NKAIN2: variants seen among roughly 807,000 people sequenced by gnomAD.
The protein encoded by NKAIN2 is sodium/potassium-transporting ATPase subunit beta-1-interacting protein 2.
NKAIN2 carries 14 observed loss-of-function variants against 32.6 expected under a neutral mutation model. The ratio of observed to expected loss-of-function variants is 0.43; its 90% CI spans 0.28 to 0.67. The LOEUF (loss-of-function observed/expected upper bound fraction) is 0.67. Ranked by LOEUF, NKAIN2 falls within the 30% of genes least tolerant of loss-of-function variation. NKAIN2 has a pLI of 0.17. For missense variants in NKAIN2, 198 were observed against 258.3 expected, an observed-to-expected ratio of 0.77 and a Z score of 1.60; for synonymous variants, 80 against 87.2, an observed-to-expected ratio of 0.92 and a Z score of 0.46.
chr6:123,883,761 G>A (rs920118527), intron 1 of NKAIN2, among the ~76,000 whole-genome samples: 1 of 149,746 alleles, frequency 6.7e-6, no homozygotes, highest in African/African-American at 2.5e-5. Flanking sequence ...AAAAATTGGT[G>A]TCAGGCGCCT....
chr6:124,487,247 C>T (rs923172388), intron 3 of NKAIN2, among the ~76,000 whole-genome samples: 1 of 152,088 alleles, frequency 6.6e-6, no homozygotes, highest in Non-Finnish European at 1.5e-5. Context: ...TGATAATCTT[C>T]TCATTTACCA....
intron 3 of NKAIN2, among the ~76,000 whole-genome samples, chr6:124,607,125 T>A (rs1782532026): frequency 6.6e-6 from 1 of 152,124 alleles, no homozygotes. Flanking sequence ...TAAATACCTA[T>A]TGTCAAACTT....
intron 1 of NKAIN2, among the ~76,000 whole-genome samples, chr6:124,213,754 T>TTTAA (rs1243238508): frequency 6.6e-6 from 1 of 152,136 alleles, no homozygotes; most frequent in Non-Finnish European, 1.5e-5. Context: ...CATATAGTGA[T>TTTAA]TTAATTCTCA....
At chr6:124,822,598 T>C (rs899470456) in intron 6 of NKAIN2, among the ~76,000 whole-genome samples, 1 of 152,184 alleles carries the variant, frequency 6.6e-6, no homozygotes, top group African/African-American at 2.4e-5. Context: ...TCCTCTTAAG[T>C]TGGGTGACTG....
chr6:123,808,649 C>G (rs964082812), intron 1 of NKAIN2, among the ~76,000 whole-genome samples: 13 of 152,168 alleles, frequency 8.5e-5, no homozygotes, highest in Admixed American at 7.9e-4. Flanking sequence ...CCATGTGGAG[C>G]TGTTCTCCTG....
At chr6:123,836,449 A>G (rs563412938) in intron 1 of NKAIN2, among the ~76,000 whole-genome samples, 2 of 152,220 alleles carry the variant, frequency 1.3e-5, no homozygotes, top group South Asian at 2.1e-4. Context: ...CCCAAAATCT[A>G]TAGCTGCAGT....
intron 4 of NKAIN2, among the ~76,000 whole-genome samples, chr6:124,670,428 T>C (rs1773040567): frequency 1.3e-5 from 2 of 152,092 alleles, no homozygotes; most frequent in South Asian, 4.1e-4. Context: ...TAATAAAATT[T>C]GATTTTGTAT....
intron 1 of NKAIN2, among the ~76,000 whole-genome samples, chr6:124,279,533 T>C (rs910906653): frequency 3.5e-5 from 5 of 142,984 alleles, no homozygotes; most frequent in Non-Finnish European, 6.1e-5. Context: ...AAAAAAAGAG[T>C]TGTAAATAAA....
intron 4 of NKAIN2, 136 bp downstream of exon 4, chr6:124,658,522 C>G: frequency 6.7e-7 from 1 of 1,497,658 alleles, no homozygotes; most frequent in Non-Finnish European, 8.9e-7. Context: ...CGACTTTTAA[C>G]AGGAAATCCT....
intron 1 of NKAIN2, among the ~76,000 whole-genome samples, chr6:123,948,406 C>T (rs1327096404): frequency 6.6e-6 from 1 of 151,868 alleles, no homozygotes; most frequent in Non-Finnish European, 1.5e-5. Context: ...GTGGATTTCT[C>T]AGCATCCTCT....
intron 4 of NKAIN2, among the ~76,000 whole-genome samples, chr6:124,740,155 G>T (rs143813235): frequency 6.7e-6 from 1 of 150,120 alleles, no homozygotes; most frequent in Non-Finnish European, 1.5e-5. Flanking sequence ...CCATCATCTC[G>T]CTACTGTGAC....
chr6:124,121,824 T>C (rs1582685456), intron 1 of NKAIN2: 1 of 595,262 alleles, frequency 1.7e-6, no homozygotes, highest in East Asian at 8.7e-5. Context: ...GGGGTTGCCT[T>C]TAAATGGGTC....
At chr6:124,485,764 A>T (rs1416807404) in intron 3 of NKAIN2, among the ~76,000 whole-genome samples, 3 of 152,052 alleles carry the variant, frequency 2.0e-5, no homozygotes, top group African/African-American at 7.3e-5. Flanking sequence ...AAGTTACTCA[A>T]ATCCCCATCT....
In NKAIN2 at chr6:124,321,749, T is replaced by C. The variant is rs1024200582; in HGVS notation, c.193-33518T>C. On this transcript the variant is annotated intron_variant, in intron 2 of 6. Coordinates refer to ENST00000368417, the MANE Select transcript of NKAIN2 (RefSeq NM_001040214.3). ...CAGGCTTGCAGTTCATCCCTGGACT[T>C]TGGGGGCCCTCCTTGCAAATTCCTT... Among the ~76,000 whole-genome samples the C allele has an allele frequency of 3.9e-4, 59 of 152,260 alleles. 1 individual carries two copies. The highest frequency in any genetic ancestry group is 1.7e-3 in the Admixed American group (26 of 15,276).
At chr6:124,732,127 GAGAT>G (rs1776711512) in intron 4 of NKAIN2, among the ~76,000 whole-genome samples, 1 of 151,812 alleles carries the variant, frequency 6.6e-6, no homozygotes, top group Admixed American at 6.6e-5. Flanking sequence ...CTTTAAAATA[GAGAT>G]GAGAAAAAAA....
At chr6:124,787,404 A>T (rs1046453054) in intron 4 of NKAIN2, among the ~76,000 whole-genome samples, 4 of 152,128 alleles carry the variant, frequency 2.6e-5, no homozygotes, top group African/African-American at 9.7e-5. Context: ...CAGCTTAGCA[A>T]CTCAGGACTC....
chr6:124,695,329 A>G (rs1311594441), intron 4 of NKAIN2, among the ~76,000 whole-genome samples: 2 of 152,192 alleles, frequency 1.3e-5, no homozygotes, highest in Non-Finnish European at 2.9e-5. Context: ...AGAGAGATTG[A>G]CCAGCTCAGA....
intron 3 of NKAIN2, among the ~76,000 whole-genome samples, chr6:124,485,786 C>A (rs1777625765): frequency 6.6e-6 from 1 of 152,072 alleles, no homozygotes; most frequent in South Asian, 2.1e-4. Flanking sequence ...TAGAGTAAGT[C>A]ATTTAGGTAG....
At chr6:124,267,334 G>A (rs1230032873) in intron 1 of NKAIN2, among the ~76,000 whole-genome samples, 1 of 152,036 alleles carries the variant, frequency 6.6e-6, no homozygotes, top group Non-Finnish European at 1.5e-5. Context: ...CTTCCAATGT[G>A]TGGGCTGTTG....
Sources: gnomAD v4.1 joint callset for allele counts (sites outside exome capture counted in the v4.1 genomes callset) on GRCh38, gnomAD v4.1.1 for gene constraint, MANE v1.5 for transcripts, NCBI Gene and HGNC (gene_info 2026-07-23, HGNC 2026-07-21) for gene names.